Variants in DNM3 observed in about 807,000 individuals in gnomAD.
DNM3 encodes dynamin 3.
Under a neutral mutation model 101.6 loss-of-function variants are expected in DNM3, and 47 were observed. That is an observed-to-expected ratio of 0.46 (90% CI 0.37 to 0.59). The LOEUF is 0.59. Among genes scored for constraint, DNM3 ranks in the 20% least tolerant of loss-of-function variants. DNM3 has a pLI of 0.00. For synonymous variants in DNM3, 385 were observed against 387.9 expected (o/e 0.99, Z 0.09); for missense variants, 849 against 1,085.7 (o/e 0.78, Z 3.06).
At chr1:171,941,360 A>G (rs2125410587) in intron 2 of DNM3, among the ~76,000 whole-genome samples, 1 of 152,346 alleles carries the variant, frequency 6.6e-6, no homozygotes, top group East Asian at 1.9e-4. Context: ...TTTAATGCTT[A>G]GCCAAATCCT....
At chr1:172,286,476 G>A (rs1226348507) in intron 15 of DNM3, among the ~76,000 whole-genome samples, 4 of 152,144 alleles carry the variant, frequency 2.6e-5, no homozygotes, top group Non-Finnish European at 5.9e-5. Context: ...CCTGGTATTG[G>A]TTATGCCCAA....
In DNM3 at chr1:172,210,249, T is replaced by C. The variant is rs908532087; in HGVS notation, c.1660-43324T>C. Among the ~76,000 whole-genome samples, 12 of 151,810 alleles carry C rather than the reference T, an allele frequency of 7.9e-5. No homozygotes were observed. In the East Asian group the frequency reaches 1.5e-3, roughly 20 times the overall value. ...AGTCTTCAGATTCCTAAGTTACTGA[T>C]TTTTGCAAACAATTCTCTTATAAAT... On this transcript the variant is annotated intron_variant, in intron 14 of 20. Transcript: ENST00000627582.
intron 14 of DNM3, among the ~76,000 whole-genome samples, chr1:172,229,397 TG>T (rs2148599278): frequency 6.6e-6 from 1 of 152,288 alleles, no homozygotes; most frequent in South Asian, 2.1e-4. Context: ...CACAATCAAA[TG>T]GCAATTAAAT....
chr1:172,171,129 C>T lies in DNM3; in HGVS notation c.1659+39841C>T, dbSNP rs527488388. Among the ~76,000 whole-genome samples the T allele has an allele frequency of 2.0e-5, 3 of 151,710 alleles. No homozygotes were observed. In the East Asian group the frequency reaches 5.8e-4, roughly 30 times the overall value. ...GCCTCAAAGGACATACCTCCAATTG[C>T]TCTAATAAGTCCAAAGGAAGATGTG... On this transcript the variant is annotated intron_variant, in intron 14 of 20. Transcript: ENST00000627582.
At chr1:172,236,076 GT>G (rs2061534167) in intron 14 of DNM3, among the ~76,000 whole-genome samples, 1 of 152,162 alleles carries the variant, frequency 6.6e-6, no homozygotes, top group African/African-American at 2.4e-5. Context: ...TGGGACTATA[GT>G]TTGCCAATCA....
intron 11 of DNM3, among the ~76,000 whole-genome samples, chr1:172,072,473 G>A (rs940269074): frequency 9.2e-5 from 14 of 152,136 alleles, no homozygotes; most frequent in Non-Finnish European, 1.9e-4. Flanking sequence ...GACTGGTTGA[G>A]ATTAGCCACA....
intron 17 of DNM3, among the ~76,000 whole-genome samples, chr1:172,329,949 C>T (rs575646474): frequency 2.6e-5 from 4 of 152,106 alleles, no homozygotes; most frequent in Non-Finnish European, 5.9e-5. Flanking sequence ...CATGATTGGG[C>T]TTTCAGATTA....
intron 14 of DNM3, among the ~76,000 whole-genome samples, chr1:172,180,786 A>G (rs549214069): frequency 1.3e-5 from 2 of 151,902 alleles, no homozygotes; most frequent in African/African-American, 4.8e-5. Flanking sequence ...AATCTGGAAC[A>G]CTCTCCTCTG....
chr1:172,009,046 A>G (rs1400609385), intron 4 of DNM3, among the ~76,000 whole-genome samples: 2 of 138,334 alleles, frequency 1.4e-5, no homozygotes, highest in Non-Finnish European at 1.5e-5. Flanking sequence ...ATATATTTAT[A>G]TATTATATAA....
chr1:172,132,878 C>T (rs2057016220), intron 14 of DNM3: 3 of 871,220 alleles, frequency 3.4e-6, no homozygotes, highest in Non-Finnish European at 5.7e-6. Flanking sequence ...GGACTATTTT[C>T]CTTATTGCAG....
At chr1:172,259,268 G>T (rs892972949) in intron 15 of DNM3, among the ~76,000 whole-genome samples, 2 of 151,958 alleles carry the variant, frequency 1.3e-5, no homozygotes, top group Non-Finnish European at 2.9e-5. Flanking sequence ...GGTCTATTTG[G>T]TCTAATATGC....
At chr1:172,366,801 G>A (rs1284028692) in intron 17 of DNM3, among the ~76,000 whole-genome samples, 1 of 151,620 alleles carries the variant, frequency 6.6e-6, no homozygotes, top group African/African-American at 2.4e-5. Flanking sequence ...AAACTTGAAG[G>A]TGACTATTTT....
At chr1:172,110,890 G>T (rs1035816693) in intron 13 of DNM3, among the ~76,000 whole-genome samples, 4 of 152,168 alleles carry the variant, frequency 2.6e-5, no homozygotes, top group Non-Finnish European at 5.9e-5. Flanking sequence ...ACAAAAATTA[G>T]CTGGACAAGG....
chr1:172,055,797 G>T (rs2050555434), intron 10 of DNM3, among the ~76,000 whole-genome samples: 1 of 152,174 alleles, frequency 6.6e-6, no homozygotes, highest in Non-Finnish European at 1.5e-5. Context: ...GATGTGCTAT[G>T]GTTTTTACAC....
chr1:171,929,080 C>A (rs1275329884), intron 2 of DNM3, among the ~76,000 whole-genome samples: 2 of 152,118 alleles, frequency 1.3e-5, no homozygotes, highest in African/African-American at 4.8e-5. Flanking sequence ...TGGAGACCTG[C>A]TTAGAAAAGC....
Position 172,279,088 on chromosome 1 carries a change from C to A in DNM3, c.1769+25406C>A, listed in dbSNP as rs115124930. On this transcript the variant is annotated intron_variant, in intron 15 of 20. Coordinates refer to ENST00000627582, the MANE Select transcript of DNM3 (RefSeq NM_015569.5). ...GTGTGTGTTGAGGAAACGATTGATG[C>A]TTTGCCACCTTTGGAGGGAGCAATT... is the stretch of plus-strand genomic sequence containing the variant. Among the ~76,000 whole-genome samples, 725 of 152,220 alleles carry A rather than the reference C, an allele frequency of 4.8e-3. 3 individuals are homozygous for A. The highest frequency in any genetic ancestry group is 0.016 in the African/African-American group (685 of 41,552).
chr1:172,063,520 A>G (rs553866892), intron 10 of DNM3, among the ~76,000 whole-genome samples: 1 of 152,278 alleles, frequency 6.6e-6, no homozygotes, highest in Admixed American at 6.5e-5. Context: ...CAGAACATGT[A>G]TAATTAAAAT....
intron 14 of DNM3, chr1:172,140,723 A>G (rs2057529280): frequency 6.6e-6 from 1 of 152,030 alleles, no homozygotes. Flanking sequence ...GGGGAAAAAA[A>G]AAATCTTGCT....
intron 17 of DNM3, among the ~76,000 whole-genome samples, chr1:172,373,232 C>T (rs550810493): frequency 2.3e-4 from 35 of 152,102 alleles, no homozygotes; most frequent in African/African-American, 6.7e-4. Context: ...TAGCAAAATT[C>T]GCATCTTTAG....
Sources: allele counts gnomAD v4.1 joint callset (sites outside exome capture counted in the v4.1 genomes callset), GRCh38; gene constraint gnomAD v4.1.1; transcripts MANE v1.5; gene names NCBI Gene and HGNC (gene_info 2026-07-23, HGNC 2026-07-21).